The following KIF1B variants were observed in gnomAD, a reference collection of about 807,000 sequenced individuals.
KIF1B encodes the protein kinesin-like protein KIF1B.
In KIF1B, 76 loss-of-function variants were observed where a neutral mutation model predicts 241.9. The ratio of observed to expected loss-of-function variants is 0.31; its 90% CI spans 0.26 to 0.38. The LOEUF is 0.38. Ranked by LOEUF, KIF1B falls within the 10% of genes least tolerant of loss-of-function variation. KIF1B has a pLI of 1.00. For missense variants in KIF1B, 1,622 were observed against 2,271.4 expected, an observed-to-expected ratio of 0.71 and a Z score of 5.81; for synonymous variants, 750 against 796.7, an observed-to-expected ratio of 0.94 and a Z score of 0.99.
chr1:10,258,038 G>C (rs1647902063), intron 3 of KIF1B, among the ~76,000 whole-genome samples: 1 of 152,212 alleles, frequency 6.6e-6, no homozygotes, highest in South Asian at 2.1e-4. Flanking sequence ...GGACTGAGAA[G>C]GGGATTGGAA....
chr1:10,317,245 T>G (rs1228688514), intron 22 of KIF1B, among the ~76,000 whole-genome samples: 3 of 151,578 alleles, frequency 2.0e-5, no homozygotes, highest in African/African-American at 7.3e-5. Context: ...TCTCTCCTTC[T>G]TTCAGTATCA....
At chr1:10,346,900 A>G (rs954274967) in intron 35 of KIF1B, among the ~76,000 whole-genome samples, 1 of 152,162 alleles carries the variant, frequency 6.6e-6, no homozygotes, top group African/African-American at 2.4e-5. Context: ...CTTGGCCCCT[A>G]CCCACAAGAT....
At chr1:10,317,830 C>A (rs199832561) in intron 22 of KIF1B, among the ~76,000 whole-genome samples, 17 of 145,214 alleles carry the variant, frequency 1.2e-4, no homozygotes, top group Non-Finnish European at 1.3e-4. Flanking sequence ...GACTCCACCT[C>A]AAAAAAAAAA....
rs1043475521 is a variant in KIF1B at position 10,355,686 on chromosome 1, A to G, written c.4055+2950A>G. The stretch of plus-strand genomic sequence containing the variant: ...AGTAGAATGTTTCTCCCTTCATTTC[A>G]TACAGAATCTCAGGTTTTGTTTTCT... On this transcript the variant is annotated intron_variant, in intron 38 of 48. Coordinates refer to ENST00000676179, the MANE Select transcript of KIF1B (RefSeq NM_001365951.3). Among the ~76,000 whole-genome samples the G allele has an allele frequency of 2.0e-5, 3 of 152,144 alleles. No homozygotes were observed. In the East Asian group the frequency reaches 5.8e-4, roughly 29 times the overall value.
At position 10,254,264 on chromosome 1, in the gene KIF1B, G is replaced by T. The variant is rs558651098; in HGVS notation, c.107-1983G>T. Among the ~76,000 whole-genome samples the T allele has an allele frequency of 1.0e-3, 156 of 152,292 alleles. 1 individual carries two copies. Among genetic ancestry groups the T allele is most frequent in the Non-Finnish European group, 1.6e-3 (112 of 68,018 alleles). On this transcript the variant is annotated intron_variant, in intron 2 of 48. Coordinates refer to ENST00000676179, the MANE Select transcript of KIF1B (RefSeq NM_001365951.3). ...GGGTGGTGAGACTTCATGCATTTCA[G>T]TCAAAAAAGTAATTTTGCTGTAATG...
In KIF1B at chr1:10,337,284, C is replaced by T; in HGVS notation, c.3259+81C>T. ...GACCATTATCAAGGGACATAGTGGCCTTCATCAACTAGGAATGGAAAGCAT... is the reference window on the plus strand; with the variant it reads ...GACCATTATCAAGGGACATAGTGGCTTTCATCAACTAGGAATGGAAAGCAT... On this transcript the variant is annotated intron_variant, in intron 30 of 48. Coordinates refer to ENST00000676179, the MANE Select transcript of KIF1B (RefSeq NM_001365951.3). This position sits in a 1 kb window ranked among gnomAD's most constrained non-coding sequence, Gnocchi z 4.0. 6 of 1,611,780 alleles carry T rather than the reference C, an allele frequency of 3.7e-6. No homozygotes were observed. Among genetic ancestry groups the T allele is most frequent in the Admixed American group, 1.7e-5 (1 of 60,018 alleles).
chr1:10,374,846 GT>G lies in KIF1B; in HGVS notation c.5097-3del. 1 of 1,613,720 alleles carries G rather than the reference GT, an allele frequency of 6.2e-7. No individual in the cohort carries two copies. The highest frequency in any genetic ancestry group is 8.5e-7 in the Non-Finnish European group (1 of 1,179,676). ...AGAAACTAACTTTTGTCATATTGTC[GT>G]TTTTAGCTCAGTGGTCTCTAAGAAA... is the stretch of plus-strand genomic sequence containing the variant. On this transcript the variant is annotated splice_region_variant and splice_polypyrimidine_tract_variant and intron_variant, in intron 46 of 48. Transcript: ENST00000676179. The surrounding 1 kb of genome is among the most constrained non-coding windows in gnomAD (Gnocchi z 4.3).
At chr1:10,215,081 A>G (rs1015415820) in intron 1 of KIF1B, among the ~76,000 whole-genome samples, 4 of 144,688 alleles carry the variant, frequency 2.8e-5, no homozygotes, top group Non-Finnish European at 6.0e-5. Flanking sequence ...GGTTTTTTGT[A>G]TAGTGTTTGA....
rs773505775 is a variant in KIF1B at position 10,293,414 on chromosome 1, TG to T, written c.1590+1293del. Among the ~76,000 whole-genome samples, 220 of 76,004 alleles carry T rather than the reference TG, an allele frequency of 2.9e-3. 1 individual carries two copies. The highest frequency in any genetic ancestry group is 3.7e-3 in the Non-Finnish European group (144 of 38,632). 49.9% of individuals were successfully genotyped at this position (76,004 alleles called of 152,430 possible). Reference sequence around the variant, plus strand: ...GGAAATTTTTTTTTTTTTTTTTTTTTGAGACAGAGTCTCACTCTGTCGCCAG... The same window carrying T: ...GGAAATTTTTTTTTTTTTTTTTTTTTAGACAGAGTCTCACTCTGTCGCCAG... On this transcript the variant is annotated intron_variant, in intron 17 of 48. Coordinates refer to ENST00000676179, the MANE Select transcript of KIF1B (RefSeq NM_001365951.3).
At chr1:10,235,862 C>CAAAAAAAAAAAAAAAAAAAAA (rs70997211) in intron 2 of KIF1B, among the ~76,000 whole-genome samples, 1 of 70,380 alleles carries the variant, frequency 1.4e-5, no homozygotes, top group African/African-American at 5.6e-5. Flanking sequence ...AACACTGTCT[C>CAAAAAAAAAAAAAAAAAAAAA]AAAAAAAAAA....
At chr1:10,312,587 A>G (rs144191241) in intron 22 of KIF1B, among the ~76,000 whole-genome samples, 3 of 151,604 alleles carry the variant, frequency 2.0e-5, no homozygotes, top group Non-Finnish European at 4.4e-5. Flanking sequence ...CTACTCTGCC[A>G]TTCCATCCAC....
chr1:10,216,611 C>T (rs146466724), intron 1 of KIF1B, among the ~76,000 whole-genome samples: 1 of 152,090 alleles, frequency 6.6e-6, no homozygotes, highest in African/African-American at 2.4e-5. Context: ...AGTCCGAGGT[C>T]TCCCTTAAAT....
chr1:10,279,448 C>A (rs78177632), intron 14 of KIF1B, among the ~76,000 whole-genome samples: 2,629 of 152,290 alleles, frequency 0.017, 86 homozygotes, highest in African/African-American at 0.06. Context: ...CTGACACTTA[C>A]TGATTTTGCA....
intron 1 of KIF1B, among the ~76,000 whole-genome samples, chr1:10,219,977 C>G (rs1016533180): frequency 6.6e-6 from 1 of 151,640 alleles, no homozygotes; most frequent in Non-Finnish European, 1.5e-5. Context: ...CTGAGGCAGG[C>G]GGATCACCTG....
At chr1:10,336,861 A>G in intron 29 of KIF1B, 119 bp downstream of exon 29, 1 of 1,102,814 alleles carries the variant, frequency 9.1e-7, no homozygotes, top group Non-Finnish European at 1.4e-6. Context: ...AGAGTAGTTC[A>G]ATAGAATATG....
At position 10,295,252 on chromosome 1, in the gene KIF1B, A is replaced by G; in HGVS notation, c.1670+87A>G. On this transcript the variant is annotated intron_variant, in intron 18 of 48. Transcript: ENST00000676179. ...CTAAAGGGAAGGGGTTGAAAAAATT[A>G]ACGTAATGATTTGCTGTATTTTTTG... 10 of 843,562 alleles carry G rather than the reference A, an allele frequency of 1.2e-5. No homozygotes were observed. In the South Asian group the frequency reaches 1.4e-4, roughly 11 times the overall value. The allele number at this position is 843,562 out of a possible 1,614,324, so 52.3% of individuals were successfully genotyped here.
At chr1:10,302,729 T>C (rs1650603832) in intron 22 of KIF1B, among the ~76,000 whole-genome samples, 1 of 152,156 alleles carries the variant, frequency 6.6e-6, no homozygotes. Context: ...TGTGGGGAAG[T>C]GTCTGCATGG....
chr1:10,285,968 A>G (rs1038596553), intron 15 of KIF1B, among the ~76,000 whole-genome samples: 1 of 151,802 alleles, frequency 6.6e-6, no homozygotes, highest in African/African-American at 2.4e-5. Flanking sequence ...GTTTTTACAC[A>G]TGATGTTGCT....
intron 5 of KIF1B, 38 bp from the exon 6 acceptor site, chr1:10,267,342 C>G: frequency 1.2e-6 from 2 of 1,600,998 alleles, no homozygotes; most frequent in Non-Finnish European, 1.7e-6. Context: ...TATGTGATTT[C>G]TTTTTCACTC....
Sources: gnomAD v4.1 joint callset for allele counts (sites outside exome capture counted in the v4.1 genomes callset) on GRCh38, gnomAD v4.1.1 for gene constraint, Gnocchi (gnomAD v3.1) non-coding constraint, MANE v1.5 for transcripts, NCBI Gene and HGNC (gene_info 2026-07-23, HGNC 2026-07-21) for gene names.